The following PDZRN3 variants were observed in gnomAD, a reference collection of about 807,000 sequenced individuals.
PDZRN3 encodes E3 ubiquitin-protein ligase PDZRN3.
A neutral mutation model predicts 85.7 loss-of-function variants in PDZRN3; 38 were observed. The observed-to-expected ratio is 0.44, with a 90% CI of 0.34 to 0.58. The LOEUF is 0.58. PDZRN3 is among the 20% of genes least tolerant of loss of function. The pLI, the probability that PDZRN3 is intolerant of heterozygous loss-of-function variation, is 0.01. For synonymous variants in PDZRN3, 759 were observed against 638.0 expected (o/e 1.19, Z -2.86); for missense variants, 1,629 against 1,506.4 (o/e 1.08, Z -1.35).
intron 5 of PDZRN3, among the ~76,000 whole-genome samples, chr3:73,399,455 TC>T (rs1333189940): frequency 6.6e-6 from 1 of 152,172 alleles, no homozygotes; most frequent in Non-Finnish European, 1.5e-5. Flanking sequence ...TTCTCAGAAG[TC>T]CTCCAAGAAA....
chr3:73,524,525 G>C (rs1054071018), intron 3 of PDZRN3, among the ~76,000 whole-genome samples: 4 of 152,338 alleles, frequency 2.6e-5, no homozygotes, highest in African/African-American at 9.6e-5. Context: ...TGTACTGCAA[G>C]TGGCACGGTC....
chr3:73,463,817 C>T (rs1703155057), intron 3 of PDZRN3, among the ~76,000 whole-genome samples: 1 of 152,116 alleles, frequency 6.6e-6, no homozygotes, highest in Non-Finnish European at 1.5e-5. Flanking sequence ...GGTACATATA[C>T]ACCATGGAAA....
rs572291921 is a variant in PDZRN3 at position 73,624,462 on chromosome 3, G to A, written c.364C>T (p.Leu122=). ...CRHAGCGQVL[L]RRDVEAHMRD... ...ATGTGCGCCTCCACGTCGCGCCGCA[G>A]CAGCACCTGGCCGCAACCCGCGTGG... Residue 122 remains leucine (L), a synonymous_variant, in exon 1 of 10, where the codon CTG becomes TTG. Coordinates refer to ENST00000263666, the MANE Select transcript of PDZRN3 (RefSeq NM_015009.3). 75 of 1,370,876 alleles carry A rather than the reference G, an allele frequency of 5.5e-5. No individual in the cohort carries two copies. In the African/African-American group the frequency reaches 8.1e-4, roughly 15 times the overall value. 84.9% of individuals were successfully genotyped at this position (1,370,876 alleles called of 1,614,324 possible).
chr3:73,392,698 C>T (rs997000842), intron 5 of PDZRN3, among the ~76,000 whole-genome samples: 2 of 152,126 alleles, frequency 1.3e-5, no homozygotes, highest in Non-Finnish European at 2.9e-5. Flanking sequence ...TATTTCAGTG[C>T]CCCTCTTACT....
At chr3:73,481,638 G>A (rs184622469) in intron 3 of PDZRN3, among the ~76,000 whole-genome samples, 26 of 152,290 alleles carry the variant, frequency 1.7e-4, no homozygotes, top group African/African-American at 5.5e-4. Context: ...CCTGAGGGCA[G>A]GATTCTATCT....
chr3:73,512,385 C>A (rs1388161667), intron 3 of PDZRN3, among the ~76,000 whole-genome samples: 1 of 152,116 alleles, frequency 6.6e-6, no homozygotes, highest in Non-Finnish European at 1.5e-5. Flanking sequence ...TTTCATAAAC[C>A]CTTGGTTCAG....
chr3:73,453,168 G>A lies in PDZRN3; in HGVS notation c.919-48773C>T, dbSNP rs564551324. 2.8e-4 allele frequency among the ~76,000 whole-genome samples: 43 copies of A among 152,088 alleles called. 1 individual carries two copies. In the East Asian group the frequency reaches 7.7e-3, roughly 27 times the overall value. ...CATGCCTGTAATCCCAGCACTTTGGGAGGCCAAGGCAGGCAGATCATGAGG... is the reference window on the plus strand; with the variant it reads ...CATGCCTGTAATCCCAGCACTTTGGAAGGCCAAGGCAGGCAGATCATGAGG... On this transcript the variant is annotated intron_variant, in intron 3 of 9. Coordinates refer to ENST00000263666, the MANE Select transcript of PDZRN3 (RefSeq NM_015009.3).
intron 3 of PDZRN3, among the ~76,000 whole-genome samples, chr3:73,450,817 T>A (rs1702842213): frequency 6.6e-6 from 1 of 152,050 alleles, no homozygotes; most frequent in African/African-American, 2.4e-5. Context: ...GTGCTGCCCA[T>A]CAGAAGCCTT....
chr3:73,434,797 A>G (rs568348532), intron 3 of PDZRN3, among the ~76,000 whole-genome samples: 1 of 152,324 alleles, frequency 6.6e-6, no homozygotes, highest in East Asian at 1.9e-4. Context: ...GCCAGATTCT[A>G]CTTGGGAGGT....
chr3:73,519,778 T>C (rs922169845), intron 3 of PDZRN3, among the ~76,000 whole-genome samples: 5 of 152,144 alleles, frequency 3.3e-5, no homozygotes, highest in Admixed American at 6.5e-5. Context: ...GGAGGGCAGA[T>C]TTTTATACCT....
At position 73,458,008 on chromosome 3, in the gene PDZRN3, A is replaced by G. The variant is rs368877680; in HGVS notation, c.919-53613T>C. ...GAAACAGACATGCAATGGCAGAGGC[A>G]GCAGCAGTTCTACCAGGGAAACTGG... On this transcript the variant is annotated intron_variant, in intron 3 of 9. Coordinates refer to ENST00000263666, the MANE Select transcript of PDZRN3 (RefSeq NM_015009.3). 1.6e-3 allele frequency among the ~76,000 whole-genome samples: 247 copies of G among 152,360 alleles called. 2 individuals are homozygous for G. The highest frequency in any genetic ancestry group is 5.3e-3 in the African/African-American group (220 of 41,594).
chr3:73,603,653 T>A (rs1038875998), intron 2 of PDZRN3, among the ~76,000 whole-genome samples: 1 of 152,154 alleles, frequency 6.6e-6, no homozygotes, highest in East Asian at 1.9e-4. Flanking sequence ...TACAAATACA[T>A]AAAAATTCCA....
At chr3:73,537,604 T>C (rs1340133909) in intron 3 of PDZRN3, among the ~76,000 whole-genome samples, 1 of 130,876 alleles carries the variant, frequency 7.6e-6, no homozygotes, top group African/African-American at 3.0e-5. Context: ...ACCTGTTATC[T>C]TCTTTTTTTT....
At chr3:73,416,204 AAAGT>A (rs1316880594) in intron 3 of PDZRN3, among the ~76,000 whole-genome samples, 2 of 152,126 alleles carry the variant, frequency 1.3e-5, no homozygotes, top group Non-Finnish European at 2.9e-5. Context: ...AGCGCTCCAG[AAAGT>A]AAGTGACTTG....
At chr3:73,522,978 G>A (rs956871923) in intron 3 of PDZRN3, among the ~76,000 whole-genome samples, 2 of 152,194 alleles carry the variant, frequency 1.3e-5, no homozygotes, top group African/African-American at 2.4e-5. Context: ...AATGAAATAT[G>A]ACAAGAAAAA....
chr3:73,542,682 G>A (rs1701307261), intron 3 of PDZRN3, among the ~76,000 whole-genome samples: 1 of 152,056 alleles, frequency 6.6e-6, no homozygotes, highest in South Asian at 2.1e-4. Flanking sequence ...GCTGAGGCAG[G>A]AGAATTGCTT....
At chr3:73,566,275 A>T (rs1179659987) in intron 3 of PDZRN3, among the ~76,000 whole-genome samples, 1 of 152,240 alleles carries the variant, frequency 6.6e-6, no homozygotes, top group Non-Finnish European at 1.5e-5. Flanking sequence ...CCTCAGCGAT[A>T]AACAGGCAGG....
chr3:73,497,323 T>C (rs1269436861), intron 3 of PDZRN3, among the ~76,000 whole-genome samples: 2 of 152,202 alleles, frequency 1.3e-5, no homozygotes, highest in Non-Finnish European at 2.9e-5. Context: ...CTGCTTTTCT[T>C]GGTGTATTTA....
chr3:73,508,169 C>CA (rs1457686756), intron 3 of PDZRN3, among the ~76,000 whole-genome samples: 3 of 152,138 alleles, frequency 2.0e-5, no homozygotes, highest in Non-Finnish European at 4.4e-5. Context: ...AAATGTACTT[C>CA]AAAAAACCTC....
Sources: allele counts gnomAD v4.1 joint callset (sites outside exome capture counted in the v4.1 genomes callset), GRCh38; gene constraint gnomAD v4.1.1; transcripts MANE v1.5; gene names NCBI Gene and HGNC (gene_info 2026-07-23, HGNC 2026-07-21).